The following GEMIN5 variants were observed in gnomAD, a reference collection of about 807,000 sequenced individuals.
The protein encoded by GEMIN5 is gem-associated protein 5.
In GEMIN5, 124 loss-of-function variants were observed where a neutral mutation model predicts 176.9. The observed-to-expected ratio is 0.70, with a 90% confidence interval of 0.61 to 0.81. GEMIN5 has a LOEUF of 0.81. Ranked by LOEUF, GEMIN5 falls within the 40% of genes least tolerant of loss-of-function variation. The pLI, the probability that GEMIN5 is intolerant of heterozygous loss-of-function variation, is 0.00. For synonymous variants in GEMIN5, 673 were observed against 665.2 expected (o/e 1.01, Z -0.18); for missense variants, 1,843 against 1,814.6 (o/e 1.02, Z -0.28).
intron 7 of GEMIN5, among the ~76,000 whole-genome samples, chr5:154,926,656 T>A (rs1764043441): frequency 6.6e-6 from 1 of 152,186 alleles, no homozygotes. Context: ...CAAACCAGGA[T>A]AAACCATAGC....
chr5:154,918,630 T>G (rs1331313178), intron 11 of GEMIN5, among the ~76,000 whole-genome samples: 4 of 152,252 alleles, frequency 2.6e-5, no homozygotes, highest in Admixed American at 6.5e-5. Context: ...TATTCATTGC[T>G]GAATGTTAAT....
chr5:154,912,424 G>A (rs1293658649), intron 14 of GEMIN5, among the ~76,000 whole-genome samples: 1 of 152,204 alleles, frequency 6.6e-6, no homozygotes, highest in Non-Finnish European at 1.5e-5. Flanking sequence ...ATACATCACA[G>A]ATGTTAAGTC....
At chr5:154,920,197 T>C (rs1367063063) in intron 10 of GEMIN5, 94 bp from the exon 11 acceptor site, 1 of 888,342 alleles carries the variant, frequency 1.1e-6, no homozygotes, top group Non-Finnish European at 1.7e-6. Context: ...TACATAGTTG[T>C]TTTAAAAGAA....
At chr5:154,895,336 G>GA (rs370508883) in intron 24 of GEMIN5, among the ~76,000 whole-genome samples, 1,563 of 75,658 alleles carry the variant, frequency 0.021, 18 homozygotes, top group African/African-American at 0.046. Flanking sequence ...CTCCAGAAAG[G>GA]AAAAAAAAAA....
chr5:154,923,983 T>G (rs1033097186), intron 9 of GEMIN5, among the ~76,000 whole-genome samples: 10 of 152,228 alleles, frequency 6.6e-5, no homozygotes, highest in Admixed American at 2.0e-4. Context: ...GTAGCCATAT[T>G]TTAAAAAAGC....
At chr5:154,936,998 G>T in intron 2 of GEMIN5, 27 bp downstream of exon 2, 1 of 1,590,248 alleles carries the variant, frequency 6.3e-7, no homozygotes, top group Non-Finnish European at 8.6e-7. Context: ...GATAAAAACG[G>T]TTTGAGAAAC....
intron 24 of GEMIN5, among the ~76,000 whole-genome samples, chr5:154,894,562 GA>G (rs1373793473): frequency 2.0e-5 from 3 of 152,086 alleles, no homozygotes; most frequent in Non-Finnish European, 4.4e-5. Flanking sequence ...CATGAGGTCA[GA>G]AGTTCAAGAC....
Position 154,902,661 on chromosome 5 carries a change from T to C in GEMIN5, c.2744A>G (p.Glu915Gly). The change falls in exon 20 of 28, where the codon GAA becomes GGA. Residue 915 changes from glutamate (E) to glycine (G), a missense_variant. Glu to Gly is a moderately conservative substitution (Grantham distance 98, BLOSUM62 -2). Transcript: ENST00000285873. ...MIDIEGKGHL[E>G]NGHPELFHQL... is the part of the protein sequence containing the mutation. ...GTGAAATAACTCAGGGTGGCCATTTTCTAAGTGACCTTTTCCTGTTTGAAA... is the reference window on the plus strand; with the variant it reads ...GTGAAATAACTCAGGGTGGCCATTTCCTAAGTGACCTTTTCCTGTTTGAAA... The C allele has an allele frequency of 6.2e-7, 1 of 1,614,124 alleles. No individual in the cohort carries two copies. Among genetic ancestry groups the C allele is most frequent in the Non-Finnish European group, 8.5e-7 (1 of 1,179,952 alleles).
In GEMIN5 at chr5:154,917,089, A is replaced by T. The variant is rs200999038; in HGVS notation, c.1764T>A (p.His588Gln). 6.8e-6 allele frequency: 11 copies of T among 1,609,214 alleles called. No homozygotes were observed. In the East Asian group the frequency reaches 2.5e-4, roughly 36 times the overall value. ...HKLVNTISWH[H>Q]EHGSQPELSY... The stretch of plus-strand genomic sequence containing the variant: ...TCAATTCTGGCTGGCTGCCATGCTC[A>T]TGATGCCAGCTAATGGTATTCACAA... Residue 588 changes from histidine to glutamine, a missense_variant, in exon 13 of 28, where the codon CAT (histidine) becomes CAA (glutamine). His to Gln is a conservative substitution (Grantham distance 24). Coordinates refer to ENST00000285873, the MANE Select transcript of GEMIN5 (RefSeq NM_015465.5).
chr5:154,915,328 A>T (rs1168888300), intron 13 of GEMIN5, among the ~76,000 whole-genome samples: 1 of 152,246 alleles, frequency 6.6e-6, no homozygotes, highest in Non-Finnish European at 1.5e-5. Flanking sequence ...GGCTGAGAGC[A>T]CATGTTTTAT....
rs369654948 is a variant in GEMIN5, at chr5:154,926,039, G to A, written c.1116C>T (p.Ser372=). The change falls in exon 8 of 28, where the codon AGC becomes AGT. Residue 372 remains serine, a synonymous_variant. Transcript: ENST00000285873. ...KCWDIATLEC[S]WTLPSLGGFA... ...ACCCACCAAGGGAAGGAAGGGTCCA[G>A]CTGCACTCCAAGGTGGCTATGTCCC... is the stretch of plus-strand genomic sequence containing the variant. 18 of 1,613,094 alleles carry A rather than the reference G, an allele frequency of 1.1e-5. No individual in the cohort carries two copies. The highest frequency in any genetic ancestry group is 1.4e-5 in the Non-Finnish European group (17 of 1,179,276).
At position 154,903,157 on chromosome 5, in the gene GEMIN5, G is replaced by C; in HGVS notation, c.2651C>G (p.Ser884Cys). Reference protein sequence around the residue: ...KHSRELNEDVSADVEERFHLG... With the variant: ...KHSRELNEDVCADVEERFHLG... Reference sequence around the variant, plus strand: ...ATGAAATCTTTCCTCAACATCAGCAGACACATCTTCATTCAGCTCTGTTAA... The same window carrying C: ...ATGAAATCTTTCCTCAACATCAGCACACACATCTTCATTCAGCTCTGTTAA... The change falls in exon 19 of 28, where the codon TCT (serine) becomes TGT (cysteine). Residue 884 changes from serine (S) to cysteine (C), a missense_variant. Transcript: ENST00000285873. 1.2e-6 allele frequency: 2 copies of C among 1,611,066 alleles called. No homozygotes were observed. Among genetic ancestry groups the C allele is most frequent in the South Asian group, 2.2e-5 (2 of 91,030 alleles).
Position 154,938,068 on chromosome 5 carries a change from G to A in GEMIN5, c.66C>T (p.Ala22=). Residue 22 remains alanine, a synonymous_variant, in exon 1 of 28, where the codon GCC becomes GCT. Coordinates refer to ENST00000285873, the MANE Select transcript of GEMIN5 (RefSeq NM_015465.5). ...CGAAGCCAAAGAGGCCCCCGGGCAC[G>A]GCATCGCTGCAGCGGGCGCAGTACC... The part of the protein sequence containing the change: ...PNWYCARCSD[A]VPGGLFGFAA... The A allele has an allele frequency of 2.0e-6, 3 of 1,525,058 alleles. No individual in the cohort carries two copies. Among genetic ancestry groups the A allele is most frequent in the East Asian group, 2.6e-5 (1 of 38,200 alleles). The allele number at this position is 1,525,058 out of a possible 1,614,324, so 94.5% of individuals were successfully genotyped here. A position where few individuals can be genotyped will look rare whatever the true frequency, so the allele number is the denominator to read the frequency against.
Position 154,928,567 on chromosome 5 carries a change from G to A in GEMIN5, c.874C>T (p.Pro292Ser), listed in dbSNP as rs745752577. 1 of 1,613,982 alleles carries A rather than the reference G, an allele frequency of 6.2e-7. No individual in the cohort carries two copies. Among genetic ancestry groups the A allele is most frequent in the East Asian group, 2.2e-5 (1 of 44,870 alleles). ...ACCAGCTGTGTTGGTTGATTGCTGG[G>A]CCAATGGAGTGTCAACCAAAGGCGC... The part of the protein sequence containing the change: ...KERLWLTLHW[P>S]SNQPTQLVSS... Residue 292 changes from proline to serine, a missense_variant, in exon 6 of 28, where the codon CCC (proline) becomes TCC (serine). Transcript: ENST00000285873.
chr5:154,913,774 G>A (rs1029144173), intron 13 of GEMIN5, among the ~76,000 whole-genome samples: 36 of 152,062 alleles, frequency 2.4e-4, no homozygotes, highest in Non-Finnish European at 1.5e-4. Flanking sequence ...CTGAGATCGT[G>A]CCACTGTACT....
rs368313399 is a variant in GEMIN5, at chr5:154,903,204, G to A, written c.2633-29C>T. On this transcript the variant is annotated intron_variant, in intron 18 of 27. Coordinates refer to ENST00000285873, the MANE Select transcript of GEMIN5 (RefSeq NM_015465.5). ...TTAATTTAAAAAGGCAAAAAAATCA[G>A]ATGAAGTCATTACATTGATTACAGT... 29 of 1,401,796 alleles carry A rather than the reference G, an allele frequency of 2.1e-5. No homozygotes were observed. The African/African-American group carries it at 3.9e-4, about 19-fold the overall frequency. 86.8% of individuals were successfully genotyped at this position (1,401,796 alleles called of 1,614,324 possible). A position where few individuals can be genotyped will look rare whatever the true frequency, so the allele number is the denominator to read the frequency against.
intron 3 of GEMIN5, among the ~76,000 whole-genome samples, chr5:154,935,196 G>A (rs948780157): frequency 1.3e-5 from 2 of 152,130 alleles, no homozygotes; most frequent in African/African-American, 2.4e-5. Context: ...TCATGTATAT[G>A]CACATTTTTA....
chr5:154,937,056 T>G lies in GEMIN5; in HGVS notation c.296A>C (p.Lys99Thr), dbSNP rs1764284500. 6.2e-7 allele frequency: 1 copy of G among 1,613,996 alleles called. No homozygotes were observed. Among genetic ancestry groups the G allele is most frequent in the Non-Finnish European group, 8.5e-7 (1 of 1,179,914 alleles). The change falls in exon 2 of 28, where the codon AAA becomes ACA. Residue 99 changes from lysine (K) to threonine (T), a missense_variant. Physicochemically the swap from Lys to Thr is moderately conservative, Grantham distance 78. Coordinates refer to ENST00000285873, the MANE Select transcript of GEMIN5 (RefSeq NM_015465.5). ...GAGTGCATGTTCTGTCACAACTGTT[T>G]TTGTCTCTACATCCCATATTTTCAC... ...GTVKIWDVET[K>T]TVVTEHALHQ...
chr5:154,912,907 T>C lies in GEMIN5; in HGVS notation c.1987A>G (p.Thr663Ala). 1 of 1,613,620 alleles carries C rather than the reference T, an allele frequency of 6.2e-7. No homozygotes were observed. Among genetic ancestry groups the C allele is most frequent in the Non-Finnish European group, 8.5e-7 (1 of 1,179,702 alleles). Residue 663 changes from threonine (T) to alanine (A), a missense_variant, in exon 14 of 28, where the codon ACA (threonine) becomes GCA (alanine). Physicochemically the swap from Thr to Ala is moderately conservative, Grantham distance 58. Coordinates refer to ENST00000285873, the MANE Select transcript of GEMIN5 (RefSeq NM_015465.5). Reference protein sequence around the residue: ...GRLVSASYDGTAQVWDALREE... With the variant: ...GRLVSASYDGAAQVWDALREE... The stretch of plus-strand genomic sequence containing the variant: ...CAAGGACACAATAGTACCTGGGCTG[T>C]ACCATCATAGGAAGCAGATACCAGC...
Sources: gnomAD v4.1 joint callset for allele counts (sites outside exome capture counted in the v4.1 genomes callset) on GRCh38, gnomAD v4.1.1 for gene constraint, MANE v1.5 for transcripts, NCBI Gene and HGNC (gene_info 2026-07-23, HGNC 2026-07-21) for gene names.